Variants in NTM observed in about 807,000 individuals in gnomAD.
NTM encodes the protein IgLON family member 2.
In NTM, 13 loss-of-function variants were observed where a neutral mutation model predicts 42.1. The observed-to-expected ratio is 0.31, with a 90% CI of 0.20 to 0.49. NTM has a LOEUF of 0.49. NTM is among the 20% of genes least tolerant of loss of function. The pLI is 0.99. For synonymous variants in NTM, 187 were observed against 179.2 expected (o/e 1.04, Z -0.35); for missense variants, 373 against 452.8 (o/e 0.82, Z 1.60).
intron 1 of NTM, among the ~76,000 whole-genome samples, chr11:131,798,362 AAG>A (rs1240446636): frequency 2.0e-5 from 3 of 152,170 alleles, no homozygotes; most frequent in African/African-American, 7.2e-5. Flanking sequence ...ACATCTAGGA[AAG>A]AGGGAAGATG....
intron 1 of NTM, among the ~76,000 whole-genome samples, chr11:131,832,470 A>T (rs2042944491): frequency 6.6e-6 from 1 of 152,228 alleles, no homozygotes. Context: ...ACTCACTAGC[A>T]GTCAAGAATT....
At chr11:132,107,223 A>C (rs900543213) in intron 2 of NTM, among the ~76,000 whole-genome samples, 7 of 152,042 alleles carry the variant, frequency 4.6e-5, no homozygotes, top group African/African-American at 1.7e-4. Context: ...ATTTCCAGTC[A>C]AGTCAGTTTC....
intron 1 of NTM, among the ~76,000 whole-genome samples, chr11:131,807,515 G>T (rs990025784): frequency 6.6e-6 from 1 of 152,208 alleles, no homozygotes; most frequent in African/African-American, 2.4e-5. Flanking sequence ...GTGTCTTTAC[G>T]CAAGTTAATT....
intron 4 of NTM, among the ~76,000 whole-genome samples, chr11:132,229,879 C>T (rs941280109): frequency 1.3e-5 from 2 of 152,172 alleles, no homozygotes; most frequent in Non-Finnish European, 2.9e-5. Context: ...CTCTTTTGCC[C>T]TCATTATTCT....
chr11:131,767,841 G>A (rs968834741), intron 1 of NTM, among the ~76,000 whole-genome samples: 1 of 152,066 alleles, frequency 6.6e-6, no homozygotes, highest in Non-Finnish European at 1.5e-5. Flanking sequence ...CTTTATTCAT[G>A]AGACATCCAA....
chr11:131,664,753 GT>G (rs199824869), intron 1 of NTM, among the ~76,000 whole-genome samples: 116 of 112,878 alleles, frequency 1.0e-3, no homozygotes, highest in African/African-American at 2.4e-3. Flanking sequence ...CTCTTCCATT[GT>G]TTTTTTTTTT....
chr11:131,983,123 G>T (rs2065515457), intron 2 of NTM, among the ~76,000 whole-genome samples: 1 of 151,544 alleles, frequency 6.6e-6, no homozygotes. Context: ...AAGCAAATCT[G>T]CCTAATATCT....
intron 4 of NTM, among the ~76,000 whole-genome samples, chr11:132,294,143 C>G (rs1323309663): frequency 6.6e-6 from 1 of 152,160 alleles, no homozygotes; most frequent in Non-Finnish European, 1.5e-5. Flanking sequence ...TTAATGAGAA[C>G]ACGGTAGTCA....
chr11:131,991,946 G>C (rs570997124), intron 2 of NTM, among the ~76,000 whole-genome samples: 1 of 152,264 alleles, frequency 6.6e-6, no homozygotes, highest in East Asian at 1.9e-4. Context: ...TATAGTCCGT[G>C]TTTATTAATC....
chr11:131,671,388 C>T, intron 1 of NTM: 17 of 978,446 alleles, frequency 1.7e-5, no homozygotes, highest in Non-Finnish European at 1.8e-5. Context: ...CTGTCTCCAT[C>T]CTTCTACATT....
intron 2 of NTM, among the ~76,000 whole-genome samples, chr11:131,992,928 C>G (rs2067288775): frequency 6.6e-6 from 1 of 152,056 alleles, no homozygotes; most frequent in African/African-American, 2.4e-5. Flanking sequence ...GTCCCAAATG[C>G]CAATCCACAG....
In NTM at chr11:132,146,159, G is replaced by A. The variant is rs779655598; in HGVS notation, c.168-123G>A. On this transcript the variant is annotated intron_variant, in intron 2 of 8. Transcript: ENST00000683400. The surrounding 1 kb of genome is among the most constrained non-coding windows in gnomAD (Gnocchi z 4.5). ...AAAAGTCCACCCCTGACAAATCAAA[G>A]GAAATGTATGTGTTGGGGGAAGGGA... is the stretch of plus-strand genomic sequence containing the variant. 7.0e-7 allele frequency: 1 copy of A among 1,426,186 alleles called. No individual in the cohort carries two copies. Among genetic ancestry groups the A allele is most frequent in the Non-Finnish European group, 9.4e-7 (1 of 1,065,666 alleles). The allele number at this position is 1,426,186 out of a possible 1,614,324, so 88.3% of individuals were successfully genotyped here.
rs565770507 is a variant in NTM, at chr11:132,142,197, G to T, written c.168-4085G>T. On this transcript the variant is annotated intron_variant, in intron 2 of 8. Transcript: ENST00000683400. The stretch of plus-strand genomic sequence containing the variant: ...TTTGATCGCCCATCTCCCACCTCTT[G>T]TTGGCCTATGTTACATTGACTTGTG... Among the ~76,000 whole-genome samples the T allele has an allele frequency of 7.2e-5, 11 of 152,312 alleles. No individual in the cohort carries two copies. The East Asian group carries it at 9.7e-4, about 13-fold the overall frequency.
chr11:131,939,489 G>A (rs1049834570), intron 2 of NTM, among the ~76,000 whole-genome samples: 23 of 152,100 alleles, frequency 1.5e-4, no homozygotes, highest in African/African-American at 5.3e-4. Context: ...GTGTGCATAC[G>A]TTCAGACCCA....
chr11:132,109,111 G>A (rs2062821620), intron 2 of NTM, among the ~76,000 whole-genome samples: 2 of 152,190 alleles, frequency 1.3e-5, no homozygotes, highest in Admixed American at 6.5e-5. Flanking sequence ...TCATTGATGG[G>A]TATTTGGGTT....
At chr11:132,278,356 G>A (rs1247369125) in intron 4 of NTM, among the ~76,000 whole-genome samples, 1 of 152,224 alleles carries the variant, frequency 6.6e-6, no homozygotes, top group Non-Finnish European at 1.5e-5. Flanking sequence ...AGACCTGAAG[G>A]CTAGGGATGA....
chr11:131,427,597 C>T (rs1283824155), intron 1 of NTM, among the ~76,000 whole-genome samples: 6 of 152,204 alleles, frequency 3.9e-5, no homozygotes, highest in South Asian at 2.1e-4. Flanking sequence ...TCCTGTCCCT[C>T]GGTGTTCTAC....
At chr11:131,657,148 C>A (rs1468346558) in intron 1 of NTM, among the ~76,000 whole-genome samples, 2 of 27,124 alleles carry the variant, frequency 7.4e-5, no homozygotes, top group African/African-American at 1.6e-4. Flanking sequence ...TGAAGACCAG[C>A]CCAAAAAAAA....
chr11:131,527,178 G>A (rs149709675), intron 1 of NTM, among the ~76,000 whole-genome samples: 10 of 152,166 alleles, frequency 6.6e-5, no homozygotes, highest in Non-Finnish European at 1.2e-4. Context: ...TATTCTCGTC[G>A]TATGTGCTGG....
Sources: allele counts gnomAD v4.1 joint callset (sites outside exome capture counted in the v4.1 genomes callset), GRCh38; gene constraint gnomAD v4.1.1; non-coding constraint Gnocchi (gnomAD v3.1); transcripts MANE v1.5; gene names NCBI Gene and HGNC (gene_info 2026-07-23, HGNC 2026-07-21).